GPR137B: variants seen among roughly 807,000 people sequenced by gnomAD.
The protein encoded by GPR137B is integral membrane protein GPR137B.
In GPR137B, 42 loss-of-function variants were observed where a neutral mutation model predicts 42.5. The ratio of observed to expected loss-of-function variants is 0.99; its 90% CI spans 0.77 to 1.28. GPR137B has a LOEUF of 1.28. GPR137B is among the 50% of genes most tolerant of loss of function. The probability of loss-of-function intolerance (pLI) is 0.00; values close to 1 mark genes in which losing one functional copy is unlikely to be tolerated. For missense variants in GPR137B, 487 were observed against 493.9 expected (o/e 0.99, Z 0.13); for synonymous variants, 218 against 209.7 (o/e 1.04, Z -0.34).
At chr1:236,192,658 C>A (rs1015738145) in intron 5 of GPR137B, among the ~76,000 whole-genome samples, 1 of 152,058 alleles carries the variant, frequency 6.6e-6, no homozygotes, top group Non-Finnish European at 1.5e-5. Context: ...GCTCACCCTC[C>A]GTGAGCTGCA....
rs562947719 is a variant in GPR137B, at chr1:236,156,817, T to G, written c.415-11889T>G. 6.6e-6 allele frequency among the ~76,000 whole-genome samples: 1 copy of G among 152,030 alleles called. No homozygotes were observed. Among genetic ancestry groups the G allele is most frequent in the African/African-American group, 2.4e-5 (1 of 41,372 alleles). ...ATAATTTCCCCAATATATCAGGAAG[T>G]GGGTAGCGCAGAGGGACCAGGAGAG... is the stretch of plus-strand genomic sequence containing the variant. On this transcript the variant is annotated intron_variant, in intron 1 of 6. Transcript: ENST00000366592. The surrounding 1 kb of genome is among the most constrained non-coding windows in gnomAD (Gnocchi z 4.8).
At position 236,150,374 on chromosome 1, in the gene GPR137B, G is replaced by T. The variant is rs114694761; in HGVS notation, c.414+7338G>T. Among the ~76,000 whole-genome samples, 2,964 of 151,978 alleles carry T rather than the reference G, an allele frequency of 0.02. 37 individuals carry two copies. Among genetic ancestry groups the T allele is most frequent in the Non-Finnish European group, 0.027 (1,856 of 67,944 alleles). ...GTGGAAAGGTTTCCTTATTTTCTTG[G>T]TCTGCCGTTCACCCCCAGCACCTCC... On this transcript the variant is annotated intron_variant, in intron 1 of 6. Transcript: ENST00000366592. The surrounding 1 kb of genome is among the most constrained non-coding windows in gnomAD (Gnocchi z 6.2).
intron 1 of GPR137B, among the ~76,000 whole-genome samples, chr1:236,146,448 G>A (rs988619350): frequency 6.6e-6 from 1 of 152,104 alleles, no homozygotes; most frequent in Non-Finnish European, 1.5e-5. Context: ...TGGAAGGAGA[G>A]GTCCGAGATG....
At chr1:236,159,315 AAAACAAAC>A (rs71176463) in intron 1 of GPR137B, among the ~76,000 whole-genome samples, 1 of 152,132 alleles carries the variant, frequency 6.6e-6, no homozygotes, top group African/African-American at 2.4e-5. Context: ...CCGCCTCTTA[AAAACAAAC>A]AAACAAACAG....
intron 2 of GPR137B, among the ~76,000 whole-genome samples, chr1:236,176,752 C>T (rs1322031329): frequency 2.0e-5 from 3 of 151,972 alleles, no homozygotes; most frequent in African/African-American, 7.3e-5. Context: ...CTTCCTTCTT[C>T]CCTCCCTCCC....
chr1:236,207,176 C>T, intron 6 of GPR137B: 1 of 984,970 alleles, frequency 1.0e-6, no homozygotes, highest in Non-Finnish European at 1.2e-6. Context: ...CATGCTTTCT[C>T]AGTGATCGGG....
Position 236,155,839 on chromosome 1 carries a change from C to A in GPR137B, c.414+12803C>A, listed in dbSNP as rs1662007505. 2.0e-5 allele frequency among the ~76,000 whole-genome samples: 3 copies of A among 152,172 alleles called. No individual in the cohort carries two copies. Among genetic ancestry groups the A allele is most frequent in the Non-Finnish European group, 4.4e-5 (3 of 68,034 alleles). On this transcript the variant is annotated intron_variant, in intron 1 of 6. Transcript: ENST00000366592. The surrounding 1 kb of genome is among the most constrained non-coding windows in gnomAD (Gnocchi z 4.6). ...TATCTATAAAGGTAAAGACTGTTAT[C>A]CCATTATCACTTATGAAATGAGGAA...
chr1:236,182,458 CA>C (rs1305077417), intron 4 of GPR137B, among the ~76,000 whole-genome samples: 1 of 151,810 alleles, frequency 6.6e-6, no homozygotes, highest in Admixed American at 6.6e-5. Context: ...TTAAAAACAA[CA>C]AAAAAAATTT....
Position 236,155,988 on chromosome 1 carries a change from C to T in GPR137B, c.415-12718C>T, listed in dbSNP as rs112138037. On this transcript the variant is annotated intron_variant, in intron 1 of 6. Coordinates refer to ENST00000366592, the MANE Select transcript of GPR137B (RefSeq NM_003272.4). This position sits in a 1 kb window ranked among gnomAD's most constrained non-coding sequence, Gnocchi z 4.6. ...ACACACATGCACACACACGCGCGCG[C>T]GCAAACACACATGCATACACCTGAG... 4.2e-4 allele frequency among the ~76,000 whole-genome samples: 64 copies of T among 152,298 alleles called. No homozygotes were observed. The highest frequency in any genetic ancestry group is 7.2e-4 in the Non-Finnish European group (49 of 68,030).
At chr1:236,152,409 C>T (rs897309222) in intron 1 of GPR137B, among the ~76,000 whole-genome samples, 2 of 151,966 alleles carry the variant, frequency 1.3e-5, no homozygotes, top group Non-Finnish European at 2.9e-5. Flanking sequence ...CTGCAGTGAG[C>T]TGAGATCGCA....
At chr1:236,166,266 A>G (rs1662349381) in intron 1 of GPR137B, among the ~76,000 whole-genome samples, 2 of 151,776 alleles carry the variant, frequency 1.3e-5, no homozygotes, top group African/African-American at 2.4e-5. Context: ...GTATTAATCT[A>G]TTTCTTGTTT....
intron 5 of GPR137B, among the ~76,000 whole-genome samples, chr1:236,184,200 AGACTTG>A (rs750821068): frequency 1.3e-5 from 2 of 152,204 alleles, no homozygotes; most frequent in Non-Finnish European, 2.9e-5. Flanking sequence ...TTAGTATTTG[AGACTTG>A]GACTTGCTGT....
rs779573930 is a variant in GPR137B, at chr1:236,205,206, T to C, written c.1047T>C (p.Asp349=). Residue 349 remains aspartate, a synonymous_variant, in exon 6 of 7, where the codon GAT becomes GAC. Coordinates refer to ENST00000366592, the MANE Select transcript of GPR137B (RefSeq NM_003272.4). The stretch of plus-strand genomic sequence containing the variant: ...ACAACCCTCGAAGATATGACAGTGA[T>C]GATGACCTTGCCTGGAACATTGCCC... The part of the protein sequence containing the change: ...FFDNPRRYDS[D]DDLAWNIAPQ... 6.2e-7 allele frequency: 1 copy of C among 1,613,486 alleles called. No individual in the cohort carries two copies. Among genetic ancestry groups the C allele is most frequent in the East Asian group, 2.2e-5 (1 of 44,868 alleles).
At chr1:236,178,143 G>A (rs991968433) in intron 2 of GPR137B, among the ~76,000 whole-genome samples, 3 of 152,250 alleles carry the variant, frequency 2.0e-5, no homozygotes, top group Admixed American at 6.5e-5. Context: ...AGCGCTCAGC[G>A]AGTGTCCACG....
rs756889085 is a variant in GPR137B, at chr1:236,180,014, A to AATGTATCAG, written c.825_833dup (p.Val276_Asp278dup). 7 of 1,613,732 alleles carry AATGTATCAG rather than the reference A, an allele frequency of 4.3e-6. No homozygotes were observed. In the Admixed American group the frequency reaches 1.2e-4, roughly 27 times the overall value. ...CCATTCCTTTGATTATGACTGGTAC[A>AATGTATCAG]ATGTATCAGACCAGGTCAGTGGGGG... On this transcript the variant is annotated inframe_insertion, in exon 4 of 7. Coordinates refer to ENST00000366592, the MANE Select transcript of GPR137B (RefSeq NM_003272.4).
chr1:236,176,873 A>T (rs1662704884), intron 2 of GPR137B, among the ~76,000 whole-genome samples: 2 of 152,238 alleles, frequency 1.3e-5, no homozygotes, highest in African/African-American at 4.8e-5. Flanking sequence ...GCAGGCATTG[A>T]TCAGATGGTC....
chr1:236,200,522 G>A (rs767847659), intron 5 of GPR137B, among the ~76,000 whole-genome samples: 18 of 151,842 alleles, frequency 1.2e-4, no homozygotes, highest in Non-Finnish European at 2.2e-4. Context: ...AAATTTGGGG[G>A]CTCCCATATT....
rs1315163268 is a variant in GPR137B at position 236,150,681 on chromosome 1, C to T, written c.414+7645C>T. On this transcript the variant is annotated intron_variant, in intron 1 of 6. Coordinates refer to ENST00000366592, the MANE Select transcript of GPR137B (RefSeq NM_003272.4). The surrounding 1 kb of genome is among the most constrained non-coding windows in gnomAD (Gnocchi z 6.2). ...GCTGCTGCCGGGTCACCATCAGGAG[C>T]GCCCTACTGTCGGCTCCGAACACTG... Among the ~76,000 whole-genome samples, 2 of 152,234 alleles carry T rather than the reference C, an allele frequency of 1.3e-5. No individual in the cohort carries two copies. The highest frequency in any genetic ancestry group is 2.4e-5 in the African/African-American group (1 of 41,456).
intron 2 of GPR137B, among the ~76,000 whole-genome samples, chr1:236,175,027 T>G (rs1662645658): frequency 6.6e-6 from 1 of 151,972 alleles, no homozygotes; most frequent in Non-Finnish European, 1.5e-5. Flanking sequence ...ACAAGCATAT[T>G]TTCTGAGGAA....
Sources: gnomAD v4.1 joint callset for allele counts (sites outside exome capture counted in the v4.1 genomes callset) on GRCh38, gnomAD v4.1.1 for gene constraint, Gnocchi (gnomAD v3.1) non-coding constraint, MANE v1.5 for transcripts, NCBI Gene and HGNC (gene_info 2026-07-23, HGNC 2026-07-21) for gene names.